Variants in DLGAP2 observed in about 807,000 individuals in gnomAD.
DLGAP2 encodes disks large-associated protein 2.
DLGAP2 carries 26 observed loss-of-function variants against 100.3 expected under a neutral mutation model. That is an observed-to-expected ratio of 0.26 (90% CI 0.19 to 0.36). DLGAP2 has a LOEUF of 0.36. Among genes scored for constraint, DLGAP2 ranks in the 10% least tolerant of loss-of-function variants. DLGAP2 has a pLI of 1.00. For synonymous variants in DLGAP2, 886 were observed against 630.1 expected, an observed-to-expected ratio of 1.41 and a Z score of -6.08; for missense variants, 1,858 against 1,453.2, an observed-to-expected ratio of 1.28 and a Z score of -4.53.
intron 2 of DLGAP2, among the ~76,000 whole-genome samples, chr8:1,207,799 G>T (rs1291095487): frequency 6.6e-6 from 1 of 151,826 alleles, no homozygotes; most frequent in African/African-American, 2.4e-5. Flanking sequence ...TTTTTTATTT[G>T]CACGTCCTTG....
At position 1,253,619 on chromosome 8, in the gene DLGAP2, G is replaced by A. The variant is rs553214161; in HGVS notation, c.74-5232G>A. On this transcript the variant is annotated intron_variant, in intron 2 of 14. Coordinates refer to ENST00000637795, the MANE Select transcript of DLGAP2 (RefSeq NM_001346810.2). The stretch of plus-strand genomic sequence containing the variant: ...TGGGCGTTTGCTGTTCACGTGTGGA[G>A]CTCGGGGAATGAGCCGGTTCTCAGC... Among the ~76,000 whole-genome samples the A allele has an allele frequency of 8.1e-5, 8 of 98,848 alleles. No homozygotes were observed. In the East Asian group the frequency reaches 2.2e-3, roughly 27 times the overall value. 64.8% of individuals were successfully genotyped at this position (98,848 alleles called of 152,430 possible). A position where few individuals can be genotyped will look rare whatever the true frequency, so the allele number is the denominator to read the frequency against.
At chr8:1,474,042 T>C (rs1798870269) in intron 3 of DLGAP2, among the ~76,000 whole-genome samples, 1 of 152,072 alleles carries the variant, frequency 6.6e-6, no homozygotes, top group Non-Finnish European at 1.5e-5. Flanking sequence ...CCTTCACCCC[T>C]TCCCCCCGAG....
intron 2 of DLGAP2, among the ~76,000 whole-genome samples, chr8:1,036,915 T>G (rs61069614): frequency 0.29 from 44,742 of 152,086 alleles, 7,042 homozygotes; most frequent in African/African-American, 0.41. Context: ...CCAGAAGGTG[T>G]GACCCCCTCC....
At chr8:780,223 T>A (rs1821648365) in intron 1 of DLGAP2, among the ~76,000 whole-genome samples, 1 of 152,188 alleles carries the variant, frequency 6.6e-6, no homozygotes, top group African/African-American at 2.4e-5. Context: ...AGATTCCACA[T>A]ATCCGTGAGA....
chr8:897,476 G>A (rs1277213730), intron 1 of DLGAP2, among the ~76,000 whole-genome samples: 1 of 152,236 alleles, frequency 6.6e-6, no homozygotes, highest in Non-Finnish European at 1.5e-5. Context: ...CCTCACAGTT[G>A]TAAAAATTGT....
chr8:1,674,929 A>C (rs963767171), intron 10 of DLGAP2, among the ~76,000 whole-genome samples: 7 of 152,252 alleles, frequency 4.6e-5, no homozygotes, highest in African/African-American at 1.7e-4. Context: ...GCGTAAAATA[A>C]CACTGATCAT....
rs796383429 is a variant in DLGAP2, at chr8:1,247,262, T to A, written c.74-11589T>A. On this transcript the variant is annotated intron_variant, in intron 2 of 14. Coordinates refer to ENST00000637795, the MANE Select transcript of DLGAP2 (RefSeq NM_001346810.2). ...TGGCCGGGAAGACCTTTGAGATCAGTGTGGGAGTGAGATGGTCCACATCGG... is the reference window on the plus strand; with the variant it reads ...TGGCCGGGAAGACCTTTGAGATCAGAGTGGGAGTGAGATGGTCCACATCGG... Among the ~76,000 whole-genome samples, 373 of 115,768 alleles carry A rather than the reference T, an allele frequency of 3.2e-3. 25 individuals are homozygous for A. The highest frequency in any genetic ancestry group is 5.7e-3 in the South Asian group (19 of 3,360). 75.9% of individuals were successfully genotyped at this position (115,768 alleles called of 152,430 possible). A position where few individuals can be genotyped will look rare whatever the true frequency, so the allele number is the denominator to read the frequency against.
intron 2 of DLGAP2, among the ~76,000 whole-genome samples, chr8:910,980 G>T (rs887045435): frequency 6.6e-6 from 1 of 152,164 alleles, no homozygotes; most frequent in Non-Finnish European, 1.5e-5. Flanking sequence ...AAGGCATCGT[G>T]CAGTTAAAAT....
chr8:1,549,463 A>G lies in DLGAP2; in HGVS notation c.1010A>G (p.Asp337Gly). 6.2e-7 allele frequency: 1 copy of G among 1,613,410 alleles called. No individual in the cohort carries two copies. The highest frequency in any genetic ancestry group is 2.2e-5 in the East Asian group (1 of 44,860). Residue 337 changes from aspartate to glycine, a missense_variant, in exon 5 of 15, where the codon GAC becomes GGC. Asp to Gly is a moderately conservative substitution (Grantham distance 94). Transcript: ENST00000637795. ...YPDALQSPFG[D>G]LSLKTSKSNN... Reference sequence around the variant, plus strand: ...GACGCGCTGCAGAGCCCCTTCGGGGACCTGTCCCTCAAGACCTCCAAGAGC... The same window carrying G: ...GACGCGCTGCAGAGCCCCTTCGGGGGCCTGTCCCTCAAGACCTCCAAGAGC...
intron 2 of DLGAP2, among the ~76,000 whole-genome samples, chr8:1,148,082 C>G (rs1261486811): frequency 6.6e-6 from 1 of 152,138 alleles, no homozygotes; most frequent in Non-Finnish European, 1.5e-5. Context: ...TCTGGAGAAG[C>G]CATCTACTTC....
At chr8:758,160 A>G (rs1820968119) in intron 1 of DLGAP2, among the ~76,000 whole-genome samples, 1 of 152,254 alleles carries the variant, frequency 6.6e-6, no homozygotes, top group African/African-American at 2.4e-5. Flanking sequence ...AGGTTCCCTC[A>G]TGGCCAGGTG....
chr8:1,613,831 A>G (rs543988946), intron 6 of DLGAP2, among the ~76,000 whole-genome samples: 34 of 152,192 alleles, frequency 2.2e-4, no homozygotes, highest in Non-Finnish European at 4.9e-4. Context: ...CCTCCTCTGT[A>G]TTCTTTTTGG....
intron 3 of DLGAP2, among the ~76,000 whole-genome samples, chr8:1,320,535 A>G (rs186712254): frequency 2.6e-5 from 4 of 152,294 alleles, no homozygotes; most frequent in African/African-American, 9.6e-5. Flanking sequence ...CGTGGGTCCC[A>G]CGTGATGTGA....
intron 2 of DLGAP2, among the ~76,000 whole-genome samples, chr8:1,147,413 A>C (rs558864684): frequency 6.6e-6 from 1 of 152,208 alleles, no homozygotes; most frequent in Admixed American, 6.5e-5. Context: ...TAGACATTTT[A>C]GACTTTCTAC....
chr8:1,509,005 C>G (rs1002362505), intron 4 of DLGAP2, among the ~76,000 whole-genome samples: 1 of 152,134 alleles, frequency 6.6e-6, no homozygotes, highest in African/African-American at 2.4e-5. Context: ...TCACTGCCAG[C>G]AAATTTTTAA....
chr8:1,377,153 G>A (rs559075983), intron 3 of DLGAP2, among the ~76,000 whole-genome samples: 1 of 152,326 alleles, frequency 6.6e-6, no homozygotes, highest in East Asian at 1.9e-4. Context: ...CAGCCCCACA[G>A]CACCTGTCCC....
intron 1 of DLGAP2, among the ~76,000 whole-genome samples, chr8:816,218 A>G (rs1442468929): frequency 1.3e-5 from 2 of 150,560 alleles, no homozygotes; most frequent in African/African-American, 4.9e-5. Context: ...CAATGTTAGT[A>G]TTGAGATGTG....
At chr8:1,274,626 T>C (rs1464649671) in intron 3 of DLGAP2, among the ~76,000 whole-genome samples, 2 of 151,840 alleles carry the variant, frequency 1.3e-5, no homozygotes, top group Non-Finnish European at 2.9e-5. Context: ...ACTTTGGATT[T>C]GTTTTAGAAC....
Position 1,360,245 on chromosome 8 carries a change from TCCGGGGCGGGG to T in DLGAP2, c.106+101364_106+101374del, listed in dbSNP as rs1317877845. Among the ~76,000 whole-genome samples, 296 of 100,070 alleles carry T rather than the reference TCCGGGGCGGGG, an allele frequency of 3.0e-3. 1 individual carries two copies. The highest frequency in any genetic ancestry group is 8.7e-3 in the African/African-American group (229 of 26,220). 65.6% of individuals were successfully genotyped at this position (100,070 alleles called of 152,430 possible). A position where few individuals can be genotyped will look rare whatever the true frequency, so the allele number is the denominator to read the frequency against. ...CGGGGCTTCTCCGGGGCGGGGCTTC[TCCGGGGCGGGG>T]CTTCTCCGGGGCGGGGCTTCTCTGG... On this transcript the variant is annotated intron_variant, in intron 3 of 14. Coordinates refer to ENST00000637795, the MANE Select transcript of DLGAP2 (RefSeq NM_001346810.2).
Sources: allele counts gnomAD v4.1 joint callset (sites outside exome capture counted in the v4.1 genomes callset), GRCh38; gene constraint gnomAD v4.1.1; transcripts MANE v1.5; gene names NCBI Gene and HGNC (gene_info 2026-07-23, HGNC 2026-07-21).